Variants in SUCLG2 observed in about 807,000 individuals in gnomAD.
SUCLG2 encodes succinate-CoA ligase GDP-forming subunit beta, also known as succinate--CoA ligase [GDP-forming] subunit beta, mitochondrial.
SUCLG2 carries 42 observed loss-of-function variants against 47.9 expected under a neutral mutation model. The observed-to-expected ratio is 0.88, with a 90% CI of 0.69 to 1.14. SUCLG2 has a LOEUF of 1.14. Among genes scored for constraint, SUCLG2 ranks in the 50% most tolerant of loss-of-function variants. SUCLG2 has a pLI of 0.00. For synonymous variants in SUCLG2, 195 were observed against 197.3 expected (o/e 0.99, Z 0.10); for missense variants, 571 against 525.9 (o/e 1.09, Z -0.84).
chr3:67,642,130 T>C (rs1221092735), intron 1 of SUCLG2, among the ~76,000 whole-genome samples: 1 of 152,194 alleles, frequency 6.6e-6, no homozygotes, highest in East Asian at 1.9e-4. Flanking sequence ...TTAGGTCACA[T>C]TCTGAGATAC....
intron 1 of SUCLG2, among the ~76,000 whole-genome samples, chr3:67,644,781 C>A (rs1701163357): frequency 6.6e-6 from 1 of 151,732 alleles, no homozygotes; most frequent in African/African-American, 2.4e-5. Context: ...GTTTCAGAGA[C>A]AAAAAAGGAA....
rs1051796862 is a variant in SUCLG2 at position 67,583,288 on chromosome 3, G to C, written c.226+26167C>G. Among the ~76,000 whole-genome samples, 4 of 152,164 alleles carry C rather than the reference G, an allele frequency of 2.6e-5. No homozygotes were observed. The South Asian group carries it at 8.3e-4, about 31-fold the overall frequency. Reference sequence around the variant, plus strand: ...CAACTTGGAAGAGCCACCCTAGGGAGAGCCACCATCCTCCCCGCTTGCCTG... The same window carrying C: ...CAACTTGGAAGAGCCACCCTAGGGACAGCCACCATCCTCCCCGCTTGCCTG... On this transcript the variant is annotated intron_variant, in intron 2 of 10. Transcript: ENST00000307227.
chr3:67,430,411 A>G (rs1703443814), intron 9 of SUCLG2, among the ~76,000 whole-genome samples: 1 of 152,222 alleles, frequency 6.6e-6, no homozygotes, highest in Non-Finnish European at 1.5e-5. Flanking sequence ...ATGAGAACAA[A>G]GACACAACAT....
intron 2 of SUCLG2, among the ~76,000 whole-genome samples, chr3:67,583,540 T>C (rs974993175): frequency 1.3e-5 from 2 of 152,228 alleles, no homozygotes; most frequent in African/African-American, 2.4e-5. Context: ...CTTAAAACAA[T>C]GCTCATTTAT....
rs1278642293 is a variant in SUCLG2 at position 67,444,077 on chromosome 3, G to A, written c.1063-43226C>T. Among the ~76,000 whole-genome samples the A allele has an allele frequency of 1.1e-4, 12 of 105,892 alleles. 1 individual carries two copies. Among genetic ancestry groups the A allele is most frequent in the Non-Finnish European group, 1.6e-4 (8 of 49,212 alleles). The allele number at this position is 105,892 out of a possible 152,430, so 69.5% of individuals were successfully genotyped here. Reference sequence around the variant, plus strand: ...AGGGAGGTGGAGGGGTCAGCCCCCCGCCTGGCCAGCCGCGCCGTCCGGGAG... The same window carrying A: ...AGGGAGGTGGAGGGGTCAGCCCCCCACCTGGCCAGCCGCGCCGTCCGGGAG... On this transcript the variant is annotated intron_variant, in intron 9 of 10. Coordinates refer to ENST00000307227, the MANE Select transcript of SUCLG2 (RefSeq NM_003848.4).
intron 9 of SUCLG2, among the ~76,000 whole-genome samples, chr3:67,453,581 G>T (rs1471017359): frequency 2.6e-5 from 4 of 152,190 alleles, no homozygotes; most frequent in African/African-American, 9.6e-5. Context: ...CTTACGAATG[G>T]TGGGGAGAGG....
intron 1 of SUCLG2, among the ~76,000 whole-genome samples, chr3:67,640,280 A>T (rs1427184773): frequency 6.6e-6 from 1 of 152,214 alleles, no homozygotes; most frequent in East Asian, 1.9e-4. Context: ...CTGTTTCAAC[A>T]GCCATTTTGC....
intron 10 of SUCLG2, among the ~76,000 whole-genome samples, chr3:67,390,057 T>A (rs576785978): frequency 2.0e-5 from 3 of 152,362 alleles, no homozygotes; most frequent in South Asian, 4.1e-4. Flanking sequence ...TTATTGCTAA[T>A]ATTTATTAAG....
chr3:67,646,318 C>T (rs548546351), intron 1 of SUCLG2, among the ~76,000 whole-genome samples: 11 of 152,186 alleles, frequency 7.2e-5, no homozygotes, highest in East Asian at 1.9e-4. Context: ...AAAGTTTGGC[C>T]GGGCACGGTG....
intron 9 of SUCLG2, among the ~76,000 whole-genome samples, chr3:67,458,744 G>C (rs1439893449): frequency 6.6e-6 from 1 of 152,160 alleles, no homozygotes; most frequent in Non-Finnish European, 1.5e-5. Flanking sequence ...CCACCAGTCA[G>C]GAAGAGACGG....
chr3:67,395,205 C>T (rs1165736560), intron 10 of SUCLG2, among the ~76,000 whole-genome samples: 1 of 151,840 alleles, frequency 6.6e-6, no homozygotes, highest in African/African-American at 2.4e-5. Flanking sequence ...ACTAAATGCT[C>T]CAATTAAAAG....
At chr3:67,475,723 T>C (rs990096094) in intron 9 of SUCLG2, among the ~76,000 whole-genome samples, 12 of 151,366 alleles carry the variant, frequency 7.9e-5, no homozygotes, top group Admixed American at 3.3e-4. Context: ...CCCCTCCTTT[T>C]TTTTTTTTGA....
chr3:67,582,384 T>C (rs571176846), intron 2 of SUCLG2, among the ~76,000 whole-genome samples: 1 of 152,278 alleles, frequency 6.6e-6, no homozygotes, highest in African/African-American at 2.4e-5. Context: ...TTCTGTTCCT[T>C]AGGATAGTTT....
At chr3:67,377,745 C>T (rs939183152) in intron 10 of SUCLG2, among the ~76,000 whole-genome samples, 4 of 152,138 alleles carry the variant, frequency 2.6e-5, no homozygotes, top group East Asian at 1.9e-4. Context: ...CCTCAGCCTC[C>T]GGTGCCCAAG....
Position 67,520,510 on chromosome 3 carries a change from G to C in SUCLG2, c.542C>G (p.Ala181Gly), listed in dbSNP as rs1219455450. The C allele has an allele frequency of 6.2e-7, 1 of 1,614,144 alleles. No homozygotes were observed. Among genetic ancestry groups the C allele is most frequent in the South Asian group, 1.1e-5 (1 of 91,084 alleles). Residue 181 changes from alanine to glycine, a missense_variant, in exon 5 of 11, where the codon GCT becomes GGT. Ala to Gly is a moderately conservative substitution (Grantham distance 60). Transcript: ENST00000307227. The stretch of plus-strand genomic sequence containing the variant: ...AAAAATGAGCTCCGGGTTTGAAGCA[G>C]CCACCTCTTCAATGTCGACGCCCCC... ...PQGGVDIEEV[A>G]ASNPELIFKE... is the part of the protein sequence containing the mutation.
intron 10 of SUCLG2, among the ~76,000 whole-genome samples, chr3:67,389,186 G>C (rs6803051): frequency 0.093 from 14,084 of 152,022 alleles, 767 homozygotes; most frequent in East Asian, 0.15. Flanking sequence ...GAGAAAAGGA[G>C]ATGAGACAAC....
chr3:67,544,533 C>A (rs1412353236), intron 2 of SUCLG2, among the ~76,000 whole-genome samples: 1 of 152,166 alleles, frequency 6.6e-6, no homozygotes, highest in African/African-American at 2.4e-5. Context: ...TCCCCAGCCA[C>A]GCGGAACTGT....
chr3:67,529,270 A>G (rs1386572824), intron 2 of SUCLG2, 84 bp from the exon 3 acceptor site: 4 of 1,007,464 alleles, frequency 4.0e-6, no homozygotes, highest in Non-Finnish European at 5.9e-6. Flanking sequence ...ATAATGGCAC[A>G]TAACTTCCAA....
chr3:67,381,045 T>C (rs1559638600), intron 10 of SUCLG2, among the ~76,000 whole-genome samples: 2 of 152,064 alleles, frequency 1.3e-5, no homozygotes, highest in Non-Finnish European at 2.9e-5. Flanking sequence ...CAGCTGGGCA[T>C]GGTGGCCTGT....
Sources: gnomAD v4.1 joint callset for allele counts (sites outside exome capture counted in the v4.1 genomes callset) on GRCh38, gnomAD v4.1.1 for gene constraint, MANE v1.5 for transcripts, NCBI Gene and HGNC (gene_info 2026-07-23, HGNC 2026-07-21) for gene names.